The following PLXDC2 variants were observed in gnomAD, a reference collection of about 807,000 sequenced individuals.
PLXDC2 encodes the protein plexin domain-containing protein 2.
Under a neutral mutation model 68.9 loss-of-function variants are expected in PLXDC2, and 40 were observed. The ratio of observed to expected loss-of-function variants is 0.58; its 90% confidence interval spans 0.45 to 0.76. The LOEUF (loss-of-function observed/expected upper bound fraction) is 0.76. PLXDC2 is among the 30% of genes least tolerant of loss of function. PLXDC2 has a pLI of 0.00. For missense variants in PLXDC2, 644 were observed against 661.9 expected (o/e 0.97, Z 0.30); for synonymous variants, 243 against 234.2 (o/e 1.04, Z -0.34).
chr10:20,116,681 T>G (rs1833627271), intron 4 of PLXDC2, among the ~76,000 whole-genome samples: 1 of 152,188 alleles, frequency 6.6e-6, no homozygotes, highest in East Asian at 1.9e-4. Flanking sequence ...CTCTCCAAAG[T>G]GTGTATGATG....
rs559590241 is a variant in PLXDC2, at chr10:20,147,175, A to G, written c.665-609A>G. Among the ~76,000 whole-genome samples, 7 of 152,286 alleles carry G rather than the reference A, an allele frequency of 4.6e-5. No homozygotes were observed. The South Asian group carries it at 1.4e-3, about 32-fold the overall frequency. On this transcript the variant is annotated intron_variant, in intron 5 of 13. Coordinates refer to ENST00000377252, the MANE Select transcript of PLXDC2 (RefSeq NM_032812.9). ...ATATACAGCACTGAAGTTTCATCCC[A>G]GTGTGCTTCAAGGGGACTTCAAAAA...
At chr10:20,217,623 T>G in intron 11 of PLXDC2, 47 bp downstream of exon 11, 4 of 1,254,856 alleles carry the variant, frequency 3.2e-6, no homozygotes, top group East Asian at 2.5e-5. Context: ...TTTTTTTTTT[T>G]TCCCTGAAGG....
chr10:20,170,564 C>T (rs953196717), intron 7 of PLXDC2, among the ~76,000 whole-genome samples: 5 of 152,052 alleles, frequency 3.3e-5, no homozygotes, highest in Admixed American at 2.0e-4. Context: ...CAGCTTTGCC[C>T]ATGAAATATG....
At chr10:20,128,897 A>C (rs1442265443) in intron 4 of PLXDC2, among the ~76,000 whole-genome samples, 1 of 152,166 alleles carries the variant, frequency 6.6e-6, no homozygotes, top group Non-Finnish European at 1.5e-5. Context: ...ATGAACACTT[A>C]GGTTGATCCT....
rs554916069 is a variant in PLXDC2 at position 19,824,022 on chromosome 10, T to TA, written c.112+6837dup. On this transcript the variant is annotated intron_variant, in intron 1 of 13. Transcript: ENST00000377252. Reference sequence around the variant, plus strand: ...GACCCTGTCTCAAAAAGTAAAATAATAAAAAATCTTGCTGTGGGAGCTGTT... The same window carrying TA: ...GACCCTGTCTCAAAAAGTAAAATAATAAAAAAATCTTGCTGTGGGAGCTGTT... Among the ~76,000 whole-genome samples the TA allele has an allele frequency of 2.7e-3, 403 of 152,016 alleles. 2 individuals are homozygous for TA. The highest frequency in any genetic ancestry group is 8.5e-3 in the African/African-American group (352 of 41,476).
At chr10:19,952,013 G>A (rs1425130760) in intron 1 of PLXDC2, among the ~76,000 whole-genome samples, 1 of 151,986 alleles carries the variant, frequency 6.6e-6, no homozygotes, top group African/African-American at 2.4e-5. Context: ...GGGAAGGAAG[G>A]GGAGCCAGAG....
rs571872838 is a variant in PLXDC2, at chr10:20,082,692, C to G, written c.541+14453C>G. On this transcript the variant is annotated intron_variant, in intron 4 of 13. Coordinates refer to ENST00000377252, the MANE Select transcript of PLXDC2 (RefSeq NM_032812.9). ...TATAACTAACACTGTGATTTCTACT[C>G]GTAAAAATGTATCTTGTAGGTGTAT... Among the ~76,000 whole-genome samples the G allele has an allele frequency of 1.3e-5, 2 of 152,094 alleles. 1 individual carries two copies. The highest frequency in any genetic ancestry group is 4.1e-4 in the South Asian group (2 of 4,826).
chr10:20,133,945 T>C (rs185452441), intron 4 of PLXDC2, among the ~76,000 whole-genome samples: 3 of 152,322 alleles, frequency 2.0e-5, no homozygotes, highest in East Asian at 3.9e-4. Context: ...AAATGCTCTG[T>C]CTTCAAGCTT....
At chr10:20,161,785 A>G (rs971649936) in intron 6 of PLXDC2, among the ~76,000 whole-genome samples, 14 of 152,056 alleles carry the variant, frequency 9.2e-5, no homozygotes, top group Non-Finnish European at 2.1e-4. Flanking sequence ...TAATCCCAGC[A>G]ATTTGGGAGG....
chr10:20,191,844 G>A (rs981168011), intron 9 of PLXDC2, among the ~76,000 whole-genome samples: 13 of 151,940 alleles, frequency 8.6e-5, no homozygotes, highest in Non-Finnish European at 1.6e-4. Flanking sequence ...AAAAATCACA[G>A]GGGCTTTGTA....
intron 4 of PLXDC2, among the ~76,000 whole-genome samples, chr10:20,092,677 A>T (rs1004428909): frequency 6.6e-6 from 1 of 152,092 alleles, no homozygotes; most frequent in African/African-American, 2.4e-5. Flanking sequence ...ATGTTACCTC[A>T]TAAAGAAAAA....
At chr10:20,174,946 C>T (rs1834506536) in intron 7 of PLXDC2, among the ~76,000 whole-genome samples, 1 of 152,020 alleles carries the variant, frequency 6.6e-6, no homozygotes, top group Non-Finnish European at 1.5e-5. Context: ...CCACCACACT[C>T]CCTGCTCTAT....
At chr10:20,170,462 T>A (rs893107802) in intron 7 of PLXDC2, among the ~76,000 whole-genome samples, 1 of 152,236 alleles carries the variant, frequency 6.6e-6, no homozygotes, top group African/African-American at 2.4e-5. Flanking sequence ...AGTGTTAGGA[T>A]TACTGGTGTG....
At chr10:20,070,343 T>C (rs1201637115) in intron 4 of PLXDC2, among the ~76,000 whole-genome samples, 1 of 152,198 alleles carries the variant, frequency 6.6e-6, no homozygotes, top group Non-Finnish European at 1.5e-5. Context: ...CCCTTGGTGA[T>C]TTTGTTGCTT....
At position 20,217,416 on chromosome 10, in the gene PLXDC2, C is replaced by A; in HGVS notation, c.1123-10C>A. 6.2e-7 allele frequency: 1 copy of A among 1,600,996 alleles called. No individual in the cohort carries two copies. Among genetic ancestry groups the A allele is most frequent in the South Asian group, 1.1e-5 (1 of 88,840 alleles). The stretch of plus-strand genomic sequence containing the variant: ...ACTCCATTTGTTTTCCTTTTCTTTT[C>A]TCTTACTAGTCAAAAGAGAAGATGT... On this transcript the variant is annotated splice_polypyrimidine_tract_variant and intron_variant, in intron 10 of 13. Transcript: ENST00000377252.
intron 4 of PLXDC2, among the ~76,000 whole-genome samples, chr10:20,099,008 TAAG>T (rs1272282733): frequency 7.2e-5 from 11 of 152,056 alleles, no homozygotes; most frequent in African/African-American, 2.4e-4. Flanking sequence ...AAAATTGAAA[TAAG>T]AAGATAATTA....
At position 20,051,149 on chromosome 10, in the gene PLXDC2, C is replaced by T. The variant is rs1359795599; in HGVS notation, c.471+4134C>T. On this transcript the variant is annotated intron_variant, in intron 3 of 13. Coordinates refer to ENST00000377252, the MANE Select transcript of PLXDC2 (RefSeq NM_032812.9). The stretch of plus-strand genomic sequence containing the variant: ...CTAACACAGGAACAGGAACCAAATA[C>T]ACCATGTTCTCACTTATAAGTGGAG... 2.0e-5 allele frequency among the ~76,000 whole-genome samples: 3 copies of T among 151,830 alleles called. No individual in the cohort carries two copies. The East Asian group carries it at 5.8e-4, about 29-fold the overall frequency.
In PLXDC2 at chr10:19,995,556, C is replaced by T. The variant is rs117220299; in HGVS notation, c.113-6219C>T. ...TTCAGCATAAATCCCATTGTTTGTC[C>T]GGTTTAGGCACTGTGAGCCACTTTT... On this transcript the variant is annotated intron_variant, in intron 1 of 13. Coordinates refer to ENST00000377252, the MANE Select transcript of PLXDC2 (RefSeq NM_032812.9). 9.4e-3 allele frequency among the ~76,000 whole-genome samples: 1,434 copies of T among 152,220 alleles called. 10 individuals carry two copies. The highest frequency in any genetic ancestry group is 0.012 in the Non-Finnish European group (823 of 68,012).
chr10:19,855,707 C>T (rs1428787260), intron 1 of PLXDC2, among the ~76,000 whole-genome samples: 1 of 152,096 alleles, frequency 6.6e-6, no homozygotes, highest in East Asian at 1.9e-4. Flanking sequence ...TTGGGATTTT[C>T]AAATTTGGAA....
Sources: gnomAD v4.1 joint callset for allele counts (sites outside exome capture counted in the v4.1 genomes callset) on GRCh38, gnomAD v4.1.1 for gene constraint, MANE v1.5 for transcripts, NCBI Gene and HGNC (gene_info 2026-07-23, HGNC 2026-07-21) for gene names.